BBS2: variants seen among roughly 807,000 people sequenced by gnomAD.
BBS2 encodes the protein Bardet-Biedl syndrome 2.
Under a neutral mutation model 83.0 loss-of-function variants are expected in BBS2, and 62 were observed. The ratio of observed to expected loss-of-function variants is 0.75; its 90% confidence interval spans 0.61 to 0.92. The LOEUF (loss-of-function observed/expected upper bound fraction) is 0.92. Ranked by LOEUF, BBS2 falls within the 40% of genes least tolerant of loss-of-function variation. The probability of loss-of-function intolerance (pLI) is 0.00; values close to 1 mark genes in which losing one functional copy is unlikely to be tolerated. For missense variants in BBS2, 784 were observed against 901.0 expected (o/e 0.87, Z 1.66); for synonymous variants, 303 against 326.1 (o/e 0.93, Z 0.76).
intron 1 of BBS2, among the ~76,000 whole-genome samples, chr16:56,517,182 C>A (rs745560281): frequency 4.6e-5 from 7 of 152,178 alleles, no homozygotes; most frequent in Non-Finnish European, 7.3e-5. Context: ...CACATACCAG[C>A]CAGTTAGCCT....
downstream of BBS2, among the ~76,000 whole-genome samples, chr16:56,480,087 G>A (rs1212473557): frequency 6.6e-6 from 1 of 152,156 alleles, no homozygotes; most frequent in Non-Finnish European, 1.5e-5. Flanking sequence ...AACAAAACTT[G>A]TGAACATATT....
chr16:56,472,249 C>T (rs1004193922), intron 17 of BBS2, among the ~76,000 whole-genome samples: 1 of 152,016 alleles, frequency 6.6e-6, no homozygotes, highest in African/African-American at 2.4e-5. Context: ...TGATTACAAG[C>T]GTGACCAATC....
At chr16:56,473,041 C>T (rs1351864880) in intron 17 of BBS2, among the ~76,000 whole-genome samples, 3 of 152,194 alleles carry the variant, frequency 2.0e-5, no homozygotes, top group Non-Finnish European at 2.9e-5. Flanking sequence ...AGCGATTCTC[C>T]TGCCTCAGCC....
chr16:56,499,317 G>A (rs1964197567), intron 12 of BBS2: 1 of 227,170 alleles, frequency 4.4e-6, no homozygotes, highest in Non-Finnish European at 8.8e-6. Flanking sequence ...CCCGCAATAA[G>A]GTGGGTAAGA....
chr16:56,475,619 T>C (rs1372643124), intron 17 of BBS2: 23 of 1,524,176 alleles, frequency 1.5e-5, no homozygotes, highest in Non-Finnish European at 2.1e-5. Flanking sequence ...AATGCTTTCA[T>C]TTTTCAAAGA....
intron 17 of BBS2, chr16:56,477,739 A>G (rs1209520847): frequency 2.6e-5 from 4 of 151,922 alleles, no homozygotes. Context: ...TCTCTTTTTT[A>G]CATTTATTTT....
chr16:56,513,725 T>C (rs1964645323), intron 2 of BBS2, among the ~76,000 whole-genome samples: 2 of 152,142 alleles, frequency 1.3e-5, no homozygotes, highest in Admixed American at 6.5e-5. Flanking sequence ...CTAATGGGTA[T>C]GGGTTTTTTA....
At chr16:56,512,473 AAG>A (rs1964606302) in intron 2 of BBS2, among the ~76,000 whole-genome samples, 2 of 152,216 alleles carry the variant, frequency 1.3e-5, no homozygotes, top group South Asian at 2.1e-4. Flanking sequence ...GTCTATCACC[AAG>A]AGAGTGGATA....
chr16:56,493,624 A>G (rs897415541), intron 15 of BBS2, among the ~76,000 whole-genome samples: 1 of 152,156 alleles, frequency 6.6e-6, no homozygotes, highest in African/African-American at 2.4e-5. Context: ...TGGAATTACA[A>G]AAAGGTTTTA....
chr16:56,500,107 A>C (rs539308264), intron 11 of BBS2, 200 bp from the exon 12 acceptor site: 5 of 573,008 alleles, frequency 8.7e-6, no homozygotes, highest in African/African-American at 1.9e-5. Context: ...GCATGAGTCT[A>C]CATATATACC....
At chr16:56,500,161 A>T in intron 11 of BBS2, 1 of 436,628 alleles carries the variant, frequency 2.3e-6, no homozygotes, top group African/African-American at 2.0e-5. Context: ...GGATGTAAAA[A>T]GTATCTTATC....
downstream of BBS2, among the ~76,000 whole-genome samples, chr16:56,484,006 A>AT (rs531219312): frequency 1.5e-3 from 193 of 130,312 alleles, no homozygotes; most frequent in South Asian, 0.013. Context: ...CAGCCCAAAT[A>AT]TTTTTTTTTT....
intron 1 of BBS2, 57 bp from the exon 2 acceptor site, chr16:56,514,737 AT>A: frequency 1.5e-6 from 2 of 1,350,012 alleles, no homozygotes; most frequent in Non-Finnish European, 2.1e-6. Flanking sequence ...AGTATCATAC[AT>A]TTTTTTAAAA....
intron 17 of BBS2, among the ~76,000 whole-genome samples, chr16:56,479,319 C>T (rs1028819654): frequency 5.9e-5 from 9 of 152,042 alleles, no homozygotes; most frequent in Admixed American, 3.3e-4. Flanking sequence ...GCTAAAAATA[C>T]AAAAATTAGC....
Position 56,514,631 on chromosome 16 carries a change from C to G in BBS2, c.167G>C (p.Arg56Thr). Reference sequence around the variant, plus strand: ...AGATTCCAGGGGGCTCTGGAAGACCCTGGATGCACTGACATGCTGGTTCCG... The same window carrying G: ...AGATTCCAGGGGGCTCTGGAAGACCGTGGATGCACTGACATGCTGGTTCCG... ...HTRNQHVSAS[R>T]VFQSPLESDV... Residue 56 changes from arginine (R) to threonine (T), a missense_variant, in exon 2 of 17, where the codon AGG (arginine) becomes ACG (threonine). Physicochemically the swap from Arg to Thr is moderately conservative, Grantham distance 71. Coordinates refer to ENST00000245157, the MANE Select transcript of BBS2 (RefSeq NM_031885.5). 1.9e-6 allele frequency: 3 copies of G among 1,614,098 alleles called. No individual in the cohort carries two copies. In the African/African-American group the frequency reaches 4.0e-5, roughly 22 times the overall value.
At chr16:56,519,612 G>A (rs1964858796) in intron 1 of BBS2, 134 bp downstream of exon 1, 4 of 694,836 alleles carry the variant, frequency 5.8e-6, no homozygotes, top group African/African-American at 1.7e-5. Flanking sequence ...GGAGCCACAA[G>A]GTGCTCGCCG....
Position 56,502,111 on chromosome 16 carries a change from T to C in BBS2, c.1080+206A>G. The C allele has an allele frequency of 9.7e-6, 7 of 723,966 alleles. No homozygotes were observed. The South Asian group carries it at 1.1e-4, about 12-fold the overall frequency. 44.8% of individuals were successfully genotyped at this position (723,966 alleles called of 1,614,324 possible). Reference sequence around the variant, plus strand: ...ATAAATAGTGCTGCAGGAAATGTCCTTAAACAATCAGGAAAACATTTCTAC... The same window carrying C: ...ATAAATAGTGCTGCAGGAAATGTCCCTAAACAATCAGGAAAACATTTCTAC... On this transcript the variant is annotated intron_variant, in intron 9 of 16. Coordinates refer to ENST00000245157, the MANE Select transcript of BBS2 (RefSeq NM_031885.5).
chr16:56,491,630 T>C (rs981173251), intron 15 of BBS2, among the ~76,000 whole-genome samples: 2 of 142,776 alleles, frequency 1.4e-5, no homozygotes, highest in Non-Finnish European at 3.0e-5. Flanking sequence ...AACAGACAAA[T>C]AGTTCACACA....
intron 5 of BBS2, among the ~76,000 whole-genome samples, chr16:56,507,047 C>T (rs1207240788): frequency 6.6e-6 from 1 of 152,114 alleles, no homozygotes; most frequent in African/African-American, 2.4e-5. Context: ...ACAAAACCAC[C>T]CACTTCACTT....
Sources: gnomAD v4.1 joint callset for allele counts (sites outside exome capture counted in the v4.1 genomes callset) on GRCh38, gnomAD v4.1.1 for gene constraint, MANE v1.5 for transcripts, NCBI Gene and HGNC (gene_info 2026-07-23, HGNC 2026-07-21) for gene names.